Variants in CD244 observed in about 807,000 individuals in gnomAD.
CD244 encodes the protein CD244 molecule.
A neutral mutation model predicts 45.5 loss-of-function variants in CD244; 20 were observed. That is an observed-to-expected ratio of 0.44 (90% CI 0.31 to 0.64). The LOEUF is 0.64. Among genes scored for constraint, CD244 ranks in the 30% least tolerant of loss-of-function variants. CD244 has a pLI of 0.08. For missense variants in CD244, 407 were observed against 426.9 expected (o/e 0.95, Z 0.41); for synonymous variants, 185 against 160.5 (o/e 1.15, Z -1.15).
chr1:160,857,648 A>G (rs2101895502), intron 1 of CD244, among the ~76,000 whole-genome samples: 1 of 152,378 alleles, frequency 6.6e-6, no homozygotes, highest in African/African-American at 2.4e-5. Flanking sequence ...AACATGTGGT[A>G]GACACAAGAG....
intron 1 of CD244, among the ~76,000 whole-genome samples, chr1:160,845,323 T>C (rs1235019992): frequency 6.6e-6 from 1 of 151,950 alleles, no homozygotes; most frequent in Non-Finnish European, 1.5e-5. Context: ...TGTTATAAAA[T>C]ATCCAGAGTG....
intron 7 of CD244, 145 bp downstream of exon 7, chr1:160,833,906 A>C: frequency 1.6e-6 from 1 of 613,136 alleles, no homozygotes; most frequent in Non-Finnish European, 3.0e-6. Flanking sequence ...TTGACATTTA[A>C]ATACAGTCAT....
rs1252892941 is a variant in CD244, at chr1:160,830,201, C to G, written c.*1146G>C. On this transcript the variant is annotated 3_prime_UTR_variant, in exon 9 of 9. Coordinates refer to ENST00000368034, the MANE Select transcript of CD244 (RefSeq NM_016382.4). Reference sequence around the variant, plus strand: ...ATTTAATTCAGGCAAGGAATTCAGACTGCATCTGCATGATATCACCGTTTT... The same window carrying G: ...ATTTAATTCAGGCAAGGAATTCAGAGTGCATCTGCATGATATCACCGTTTT... 1.3e-5 allele frequency: 2 copies of G among 152,352 alleles called. No homozygotes were observed. The highest frequency in any genetic ancestry group is 2.9e-5 in the Non-Finnish European group (2 of 68,048). The allele number at this position is 152,352 out of a possible 1,614,324, so 9.4% of individuals were successfully genotyped here.
chr1:160,839,768 G>A (rs78550865), intron 3 of CD244, among the ~76,000 whole-genome samples: 3,989 of 152,210 alleles, frequency 0.026, 193 homozygotes, highest in African/African-American at 0.091. Context: ...GATACTGAGG[G>A]ACATGTAGCA....
intron 8 of CD244, 47 bp from the exon 9 acceptor site, chr1:160,831,474 T>G (rs752237884): frequency 3.0e-6 from 4 of 1,314,350 alleles, no homozygotes; most frequent in Non-Finnish European, 3.3e-6. Flanking sequence ...TGGGAGGTCC[T>G]TATCACAATC....
intron 5 of CD244, 125 bp from the exon 6 acceptor site, chr1:160,836,379 T>C (rs976852201): frequency 1.4e-5 from 10 of 729,100 alleles, no homozygotes; most frequent in Non-Finnish European, 2.4e-5. Flanking sequence ...GTGGCAGGAC[T>C]GGGGAGAGTC....
At position 160,834,107 on chromosome 1, in the gene CD244, G is replaced by T; in HGVS notation, c.904C>A (p.Pro302Thr). The change falls in exon 7 of 9, where the codon CCC becomes ACC. Residue 302 changes from proline (P) to threonine (T), a missense_variant. Coordinates refer to ENST00000368034, the MANE Select transcript of CD244 (RefSeq NM_016382.4). ...GTATATGCAGGTTCTTGTGACGTGG[G>T]AGCAGAAGACTAATGAGAAGAGAAA... ...YSMIQSQSSA[P>T]TSQEPAYTLY... 1 of 1,605,830 alleles carries T rather than the reference G, an allele frequency of 6.2e-7. No individual in the cohort carries two copies. The highest frequency in any genetic ancestry group is 8.5e-7 in the Non-Finnish European group (1 of 1,172,488).
At chr1:160,852,280 C>T (rs749266542) in intron 1 of CD244, among the ~76,000 whole-genome samples, 7 of 152,194 alleles carry the variant, frequency 4.6e-5, no homozygotes, top group African/African-American at 1.4e-4. Flanking sequence ...CTGGGCGAAG[C>T]GGCTCAAGCC....
rs116784522 is a variant in CD244 at position 160,857,922 on chromosome 1, C to T, written c.61+4695G>A. On this transcript the variant is annotated intron_variant, in intron 1 of 8. Coordinates refer to ENST00000368034, the MANE Select transcript of CD244 (RefSeq NM_016382.4). ...ATAAGCCAAGTGTGGTGATACATGC[C>T]TGTAGTCCCAGCTACTAAGGAGGCT... Among the ~76,000 whole-genome samples, 524 of 152,136 alleles carry T rather than the reference C, an allele frequency of 3.4e-3. 1 individual carries two copies. The highest frequency in any genetic ancestry group is 0.011 in the African/African-American group (476 of 41,500).
chr1:160,858,150 G>T (rs57499617), intron 1 of CD244, among the ~76,000 whole-genome samples: 7,913 of 151,644 alleles, frequency 0.052, 711 homozygotes, highest in African/African-American at 0.18. Flanking sequence ...TTTCTGGATG[G>T]TGCTGTAGCC....
At chr1:160,859,315 C>T (rs866656658) in intron 1 of CD244, among the ~76,000 whole-genome samples, 3 of 152,156 alleles carry the variant, frequency 2.0e-5, no homozygotes, top group Non-Finnish European at 4.4e-5. Flanking sequence ...GGGTCTTGGA[C>T]GCCAGGTCAC....
rs150828116 is a variant in CD244, at chr1:160,833,580, C to A, written c.960+471G>T. ...GGTTGCCTCAGTCCAGAGGCCTCCACCAGCAGGTGACTGACTGGCCAGGAC... is the reference window on the plus strand; with the variant it reads ...GGTTGCCTCAGTCCAGAGGCCTCCAACAGCAGGTGACTGACTGGCCAGGAC... On this transcript the variant is annotated intron_variant, in intron 7 of 8. Coordinates refer to ENST00000368034, the MANE Select transcript of CD244 (RefSeq NM_016382.4). Among the ~76,000 whole-genome samples, 24 of 152,336 alleles carry A rather than the reference C, an allele frequency of 1.6e-4. No individual in the cohort carries two copies. The East Asian group carries it at 4.4e-3, about 28-fold the overall frequency.
At chr1:160,846,527 G>T (rs1472173283) in intron 1 of CD244, among the ~76,000 whole-genome samples, 4 of 152,046 alleles carry the variant, frequency 2.6e-5, no homozygotes, top group African/African-American at 9.7e-5. Context: ...TTAGCTGAGC[G>T]TGGTGGCACG....
chr1:160,854,533 C>A (rs1331998448), intron 1 of CD244, among the ~76,000 whole-genome samples: 1 of 150,834 alleles, frequency 6.6e-6, no homozygotes, highest in East Asian at 1.9e-4. Context: ...CAGGTGCCTG[C>A]CACCACCCCC....
At chr1:160,854,089 G>A (rs1031138799) in intron 1 of CD244, among the ~76,000 whole-genome samples, 3 of 152,196 alleles carry the variant, frequency 2.0e-5, no homozygotes, top group African/African-American at 7.2e-5. Context: ...TTATGGGTCT[G>A]GTAAAGATGG....
intron 1 of CD244, among the ~76,000 whole-genome samples, chr1:160,860,455 A>T (rs1455422098): frequency 6.6e-6 from 1 of 152,206 alleles, no homozygotes; most frequent in African/African-American, 2.4e-5. Context: ...CAAAAAAAAA[A>T]AATAAAGCAT....
chr1:160,837,877 T>C (rs1669387722), intron 5 of CD244, among the ~76,000 whole-genome samples: 2 of 152,250 alleles, frequency 1.3e-5, no homozygotes, highest in Admixed American at 1.3e-4. Context: ...CAGGCAGAGT[T>C]GGCCCCTGCC....
intron 1 of CD244, among the ~76,000 whole-genome samples, chr1:160,843,214 A>T (rs935760983): frequency 4.6e-5 from 7 of 152,188 alleles, no homozygotes; most frequent in African/African-American, 1.4e-4. Context: ...TGCTCCTAAG[A>T]CTAAAACACA....
In CD244 at chr1:160,837,822, T is replaced by C. The variant is rs554663110; in HGVS notation, c.834+629A>G. Among the ~76,000 whole-genome samples the C allele has an allele frequency of 2.3e-3, 351 of 152,356 alleles. 1 individual carries two copies. Among genetic ancestry groups the C allele is most frequent in the African/African-American group, 7.9e-3 (329 of 41,588 alleles). ...TAAGCGAGACACAGCAGTGGGGGCA[T>C]CTGCAGGCCCTCTGCAATTTCCTCC... is the stretch of plus-strand genomic sequence containing the variant. On this transcript the variant is annotated intron_variant, in intron 5 of 8. Coordinates refer to ENST00000368034, the MANE Select transcript of CD244 (RefSeq NM_016382.4).
Sources: gnomAD v4.1 joint callset for allele counts (sites outside exome capture counted in the v4.1 genomes callset) on GRCh38, gnomAD v4.1.1 for gene constraint, MANE v1.5 for transcripts, NCBI Gene and HGNC (gene_info 2026-07-23, HGNC 2026-07-21) for gene names.